The following B3GALT1 variants were observed in gnomAD, a reference collection of about 807,000 sequenced individuals.
The protein encoded by B3GALT1 is UDP-Gal:betaGlcNAc beta 1,3-galactosyltransferase, polypeptide 1.
B3GALT1 carries 10 observed loss-of-function variants against 23.2 expected under a neutral mutation model. That is an observed-to-expected ratio of 0.43 (90% CI 0.27 to 0.73). The LOEUF (loss-of-function observed/expected upper bound fraction) is 0.73, where lower values mean the gene tolerates loss of function less well. Ranked by LOEUF, B3GALT1 falls within the 30% of genes least tolerant of loss-of-function variation. B3GALT1 has a pLI of 0.21. For synonymous variants in B3GALT1, 156 were observed against 141.5 expected (o/e 1.10, Z -0.73); for missense variants, 299 against 405.4 (o/e 0.74, Z 2.25).
chr2:167,669,974 C>A (rs779719597), intron 3 of B3GALT1, among the ~76,000 whole-genome samples: 1 of 152,126 alleles, frequency 6.6e-6, no homozygotes, highest in Admixed American at 6.5e-5. Context: ...CACAACAAGC[C>A]GCAGATTCTA....
At chr2:167,722,498 A>G (rs536041731) in intron 3 of B3GALT1, among the ~76,000 whole-genome samples, 1 of 152,314 alleles carries the variant, frequency 6.6e-6, no homozygotes, top group South Asian at 2.1e-4. Context: ...GTTCCTTTTG[A>G]TTAGCTTTTA....
chr2:167,765,304 A>G (rs575560247), intron 3 of B3GALT1, among the ~76,000 whole-genome samples: 7 of 152,242 alleles, frequency 4.6e-5, no homozygotes, highest in South Asian at 2.1e-4. Flanking sequence ...ACAAACAACA[A>G]TCCACAAAAT....
At chr2:167,426,417 G>T (rs1467519267) in intron 1 of B3GALT1, among the ~76,000 whole-genome samples, 1 of 151,976 alleles carries the variant, frequency 6.6e-6, no homozygotes, top group Non-Finnish European at 1.5e-5. Flanking sequence ...TGGGACTACA[G>T]GCGCCCACCA....
intron 2 of B3GALT1, among the ~76,000 whole-genome samples, chr2:167,540,543 GCTT>G (rs1296308694): frequency 1.3e-5 from 2 of 152,116 alleles, no homozygotes; most frequent in African/African-American, 2.4e-5. Context: ...TATGTACCAT[GCTT>G]CTTCTTTCAT....
At chr2:167,497,683 T>C (rs1040112268) in intron 2 of B3GALT1, among the ~76,000 whole-genome samples, 3 of 151,922 alleles carry the variant, frequency 2.0e-5, no homozygotes, top group Non-Finnish European at 4.4e-5. Flanking sequence ...TGAAACTATA[T>C]GAAGAAGGCT....
Position 167,333,122 on chromosome 2 carries a change from G to C in B3GALT1, c.-511+39788G>C, listed in dbSNP as rs190873242. Among the ~76,000 whole-genome samples the C allele has an allele frequency of 1.2e-3, 180 of 152,300 alleles. 2 individuals are homozygous for C. In the East Asian group the frequency reaches 0.022, roughly 18 times the overall value. The stretch of plus-strand genomic sequence containing the variant: ...TCCATGAAATTCTGTTAAAATGGTA[G>C]TAAAAGGAAGCTTTTTCAAAGGCAT... On this transcript the variant is annotated intron_variant, in intron 1 of 4. Coordinates refer to ENST00000392690, the MANE Select transcript of B3GALT1 (RefSeq NM_020981.4).
At chr2:167,294,430 A>G (rs543039553) in intron 1 of B3GALT1, among the ~76,000 whole-genome samples, 7 of 152,366 alleles carry the variant, frequency 4.6e-5, no homozygotes, top group Admixed American at 6.5e-5. Flanking sequence ...CCGTGCTGCA[A>G]AGCCTTCCGC....
At chr2:167,698,438 A>AGGG (rs1686820156) in intron 3 of B3GALT1, among the ~76,000 whole-genome samples, 1 of 152,224 alleles carries the variant, frequency 6.6e-6, no homozygotes, top group Admixed American at 6.5e-5. Flanking sequence ...AATGGAGATT[A>AGGG]GAGATTATCT....
intron 1 of B3GALT1, among the ~76,000 whole-genome samples, chr2:167,343,540 T>C (rs1230863593): frequency 6.6e-6 from 1 of 152,124 alleles, no homozygotes; most frequent in Admixed American, 6.6e-5. Flanking sequence ...AGCTCCTGAT[T>C]AGCCATTATT....
At chr2:167,386,923 A>C (rs914294098) in intron 1 of B3GALT1, among the ~76,000 whole-genome samples, 1 of 152,202 alleles carries the variant, frequency 6.6e-6, no homozygotes, top group African/African-American at 2.4e-5. Context: ...AGCTGCGTTA[A>C]CTGTCTCTCA....
intron 3 of B3GALT1, among the ~76,000 whole-genome samples, chr2:167,773,042 G>A (rs1157882608): frequency 6.6e-6 from 1 of 152,152 alleles, no homozygotes; most frequent in Non-Finnish European, 1.5e-5. Context: ...CCTTTCAGGA[G>A]AGAAATGATA....
chr2:167,483,318 A>C (rs1337350257), intron 1 of B3GALT1, among the ~76,000 whole-genome samples: 1 of 152,124 alleles, frequency 6.6e-6, no homozygotes, highest in Non-Finnish European at 1.5e-5. Flanking sequence ...AAAAACAACA[A>C]AAACTTCTTG....
intron 3 of B3GALT1, among the ~76,000 whole-genome samples, chr2:167,732,668 TA>T (rs1356120528): frequency 1.3e-5 from 2 of 152,212 alleles, no homozygotes; most frequent in Non-Finnish European, 2.9e-5. Context: ...AAAAGGGAAG[TA>T]AATGTTTCCT....
intron 3 of B3GALT1, among the ~76,000 whole-genome samples, chr2:167,711,396 A>T (rs2105518651): frequency 6.6e-6 from 1 of 152,350 alleles, no homozygotes; most frequent in Middle Eastern, 3.4e-3. Flanking sequence ...TATTCAATGA[A>T]TGTTTTTAGA....
chr2:167,358,916 C>A lies in B3GALT1; in HGVS notation c.-511+65582C>A, dbSNP rs117616098. Among the ~76,000 whole-genome samples the A allele has an allele frequency of 7.4e-4, 113 of 152,240 alleles. 1 individual carries two copies. In the East Asian group the frequency reaches 0.018, roughly 25 times the overall value. On this transcript the variant is annotated intron_variant, in intron 1 of 4. Coordinates refer to ENST00000392690, the MANE Select transcript of B3GALT1 (RefSeq NM_020981.4). ...CTCCTGGGTTCAAGCGATTCCACTG[C>A]CTCGCCTCCCAAGTAGCTGGGACTA...
chr2:167,588,777 G>A (rs1035909483), intron 2 of B3GALT1, among the ~76,000 whole-genome samples: 12 of 151,242 alleles, frequency 7.9e-5, no homozygotes, highest in African/African-American at 2.4e-4. Flanking sequence ...AAAAGAAAAT[G>A]GTTATATATA....
At chr2:167,701,383 G>C (rs532362307) in intron 3 of B3GALT1, among the ~76,000 whole-genome samples, 1 of 152,086 alleles carries the variant, frequency 6.6e-6, no homozygotes, top group Non-Finnish European at 1.5e-5. Flanking sequence ...CAGTGCAGCA[G>C]CCTGTGGACA....
At chr2:167,449,000 G>A (rs1699047284) in intron 1 of B3GALT1, among the ~76,000 whole-genome samples, 1 of 152,016 alleles carries the variant, frequency 6.6e-6, no homozygotes. Flanking sequence ...GTGACTATGG[G>A]CTTATGGTAT....
At chr2:167,375,943 G>A (rs1231343475) in intron 1 of B3GALT1, among the ~76,000 whole-genome samples, 1 of 152,140 alleles carries the variant, frequency 6.6e-6, no homozygotes, top group East Asian at 1.9e-4. Context: ...TGTTCAGTAT[G>A]ATGTTGCCTG....
Sources: gnomAD v4.1 joint callset for allele counts (sites outside exome capture counted in the v4.1 genomes callset) on GRCh38, gnomAD v4.1.1 for gene constraint, MANE v1.5 for transcripts, NCBI Gene and HGNC (gene_info 2026-07-23, HGNC 2026-07-21) for gene names.